CADPS: variants seen among roughly 807,000 people sequenced by gnomAD.
The protein encoded by CADPS is calcium-dependent secretion activator 1.
A neutral mutation model predicts 167.3 loss-of-function variants in CADPS; 57 were observed. The ratio of observed to expected loss-of-function variants is 0.34; its 90% confidence interval spans 0.28 to 0.42. The LOEUF is 0.42. CADPS is among the 20% of genes least tolerant of loss of function. CADPS has a pLI of 1.00. For synonymous variants in CADPS, 676 were observed against 635.3 expected (o/e 1.06, Z -0.96); for missense variants, 1,414 against 1,738.1 (o/e 0.81, Z 3.32).
chr3:62,874,473 C>A lies in CADPS; in HGVS notation c.441+116G>T. ...GGGCCTCGTAGCCCTTTCCCCAGGG[C>A]GCGGTCTCCACCTCTCCTGCTCCTC... On this transcript the variant is annotated intron_variant, in intron 1 of 29. Coordinates refer to ENST00000383710, the MANE Select transcript of CADPS (RefSeq NM_003716.4). This position sits in a 1 kb window ranked among gnomAD's most constrained non-coding sequence, Gnocchi z 7.1. 1.3e-6 allele frequency: 1 copy of A among 764,042 alleles called. No individual in the cohort carries two copies. Among genetic ancestry groups the A allele is most frequent in the East Asian group, 2.9e-5 (1 of 34,810 alleles). The allele number at this position is 764,042 out of a possible 1,614,324, so 47.3% of individuals were successfully genotyped here.
intron 1 of CADPS, among the ~76,000 whole-genome samples, chr3:62,830,248 T>C (rs1398092158): frequency 1.3e-5 from 2 of 152,154 alleles, no homozygotes; most frequent in African/African-American, 2.4e-5. Flanking sequence ...TTGAAAATAA[T>C]TCTCCCCCTC....
intron 3 of CADPS, among the ~76,000 whole-genome samples, chr3:62,710,688 T>C (rs2083233531): frequency 6.6e-6 from 1 of 152,088 alleles, no homozygotes; most frequent in Non-Finnish European, 1.5e-5. Context: ...GAGTCACCAA[T>C]TTAGATTCTA....
chr3:62,638,703 C>G (rs930748794), intron 6 of CADPS, among the ~76,000 whole-genome samples: 1 of 152,150 alleles, frequency 6.6e-6, no homozygotes, highest in Non-Finnish European at 1.5e-5. Context: ...TTGATCATCC[C>G]ATTCTGAAAT....
intron 3 of CADPS, among the ~76,000 whole-genome samples, chr3:62,710,284 G>T (rs569007903): frequency 2.6e-5 from 4 of 151,808 alleles, no homozygotes; most frequent in African/African-American, 9.7e-5. Context: ...TGGGGTGGGG[G>T]AGGGGCAGGT....
At chr3:62,495,310 C>A (rs937654365) in intron 18 of CADPS, among the ~76,000 whole-genome samples, 1 of 152,064 alleles carries the variant, frequency 6.6e-6, no homozygotes, top group South Asian at 2.1e-4. Context: ...CCAAGAAGAA[C>A]AAAATGATTC....
At chr3:62,480,316 GCTTT>G (rs2061838703) in intron 22 of CADPS, among the ~76,000 whole-genome samples, 1 of 152,084 alleles carries the variant, frequency 6.6e-6, no homozygotes, top group South Asian at 2.1e-4. Flanking sequence ...GATAAGAGAA[GCTTT>G]CTGATATTTT....
intron 1 of CADPS, among the ~76,000 whole-genome samples, chr3:62,796,950 A>G (rs1231439905): frequency 1.3e-5 from 2 of 152,214 alleles, no homozygotes; most frequent in Admixed American, 6.5e-5. Flanking sequence ...ATGCTAGAAT[A>G]TTGCGAAGCT....
At chr3:62,855,049 C>A (rs1318799860) in intron 1 of CADPS, among the ~76,000 whole-genome samples, 2 of 149,646 alleles carry the variant, frequency 1.3e-5, no homozygotes, top group Non-Finnish European at 3.0e-5. Context: ...CTCAGCCTCC[C>A]CAGTAGCTGG....
chr3:62,842,978 A>G (rs775005314), intron 1 of CADPS, among the ~76,000 whole-genome samples: 2 of 152,226 alleles, frequency 1.3e-5, no homozygotes, highest in Non-Finnish European at 2.9e-5. Flanking sequence ...TCTGGAAAGC[A>G]TGGTATTTTG....
chr3:62,609,979 C>G (rs911719667), intron 6 of CADPS, among the ~76,000 whole-genome samples: 1 of 151,968 alleles, frequency 6.6e-6, no homozygotes, highest in South Asian at 2.1e-4. Flanking sequence ...GTCCCAACTA[C>G]TTGGGGAGCT....
intron 1 of CADPS, among the ~76,000 whole-genome samples, chr3:62,773,330 T>A (rs536789513): frequency 6.6e-6 from 1 of 152,292 alleles, no homozygotes; most frequent in African/African-American, 2.4e-5. Context: ...TATATATGTA[T>A]ATTTATGTAA....
At chr3:62,568,996 C>T (rs1380873699) in intron 9 of CADPS, among the ~76,000 whole-genome samples, 2 of 152,214 alleles carry the variant, frequency 1.3e-5, no homozygotes, top group African/African-American at 4.8e-5. Context: ...CCTCTCAATG[C>T]ACTCCACACA....
chr3:62,659,732 C>G (rs1362178851), intron 4 of CADPS, among the ~76,000 whole-genome samples: 3 of 152,138 alleles, frequency 2.0e-5, no homozygotes, highest in African/African-American at 7.2e-5. Flanking sequence ...CACGTGTGGC[C>G]AGGGCAGGCT....
chr3:62,434,588 C>T (rs964684789), intron 28 of CADPS, among the ~76,000 whole-genome samples: 9 of 152,176 alleles, frequency 5.9e-5, no homozygotes, highest in African/African-American at 1.2e-4. Flanking sequence ...TCTTAAGTTA[C>T]GTAATAAAAT....
intron 21 of CADPS, among the ~76,000 whole-genome samples, chr3:62,482,571 CA>C (rs1290336933): frequency 6.6e-6 from 1 of 152,094 alleles, no homozygotes; most frequent in Admixed American, 6.6e-5. Flanking sequence ...AACAAAAATG[CA>C]GAAATGTTTA....
intron 3 of CADPS, among the ~76,000 whole-genome samples, chr3:62,670,142 A>G (rs1046049933): frequency 2.0e-5 from 3 of 152,290 alleles, no homozygotes; most frequent in South Asian, 2.1e-4. Flanking sequence ...CTGCTGCACT[A>G]AAATAACCTC....
chr3:62,689,659 T>C (rs1372711787), intron 3 of CADPS, among the ~76,000 whole-genome samples: 1 of 152,114 alleles, frequency 6.6e-6, no homozygotes, highest in Admixed American at 6.6e-5. Flanking sequence ...CAAATGTACC[T>C]GACATTATAG....
At chr3:62,585,721 A>G (rs570704787) in intron 7 of CADPS, among the ~76,000 whole-genome samples, 6 of 152,364 alleles carry the variant, frequency 3.9e-5, no homozygotes, top group African/African-American at 1.4e-4. Flanking sequence ...TCCATTCTTT[A>G]GGATTTCTTT....
chr3:62,647,513 G>A (rs932899102), intron 5 of CADPS, among the ~76,000 whole-genome samples: 3 of 152,104 alleles, frequency 2.0e-5, no homozygotes, highest in African/African-American at 4.8e-5. Flanking sequence ...TACTACTCGC[G>A]TGATGTTGGG....
Sources: gnomAD v4.1 joint callset for allele counts (sites outside exome capture counted in the v4.1 genomes callset) on GRCh38, gnomAD v4.1.1 for gene constraint, Gnocchi (gnomAD v3.1) non-coding constraint, MANE v1.5 for transcripts, NCBI Gene and HGNC (gene_info 2026-07-23, HGNC 2026-07-21) for gene names.